The following CYP3A5 variants were observed in gnomAD, a reference collection of about 807,000 sequenced individuals.
The protein encoded by CYP3A5 is cytochrome P450 3A5.
A neutral mutation model predicts 55.9 loss-of-function variants in CYP3A5; 51 were observed. The observed-to-expected ratio is 0.91, with a 90% confidence interval of 0.73 to 1.15. CYP3A5 has a LOEUF of 1.15. CYP3A5 is among the 50% of genes most tolerant of loss of function. CYP3A5 has a pLI of 0.00. For synonymous variants in CYP3A5, 196 were observed against 213.9 expected, an observed-to-expected ratio of 0.92 and a Z score of 0.73; for missense variants, 533 against 596.6, an observed-to-expected ratio of 0.89 and a Z score of 1.11.
intron 4 of CYP3A5, chr7:99,670,960 A>G (rs1220273236): frequency 6.6e-6 from 1 of 152,210 alleles, no homozygotes; most frequent in Non-Finnish European, 1.5e-5. Flanking sequence ...TTAGCTAGAT[A>G]TGTACATTTT....
intron 11 of CYP3A5, among the ~76,000 whole-genome samples, chr7:99,651,441 A>G (rs1809179059): frequency 6.6e-6 from 1 of 152,134 alleles, no homozygotes; most frequent in Non-Finnish European, 1.5e-5. Flanking sequence ...GTGGTCTCTG[A>G]TTTCGTATTA....
rs1456072143 is a variant in CYP3A5, at chr7:99,662,534, G to T, written c.865+282C>A. Among the ~76,000 whole-genome samples the T allele has an allele frequency of 6.6e-6, 1 of 152,124 alleles. No individual in the cohort carries two copies. Among genetic ancestry groups the T allele is most frequent in the Non-Finnish European group, 1.5e-5 (1 of 68,020 alleles). ...TTCTCACTTGGTGGATCTGGAGGAG[G>T]CTGAGAACTGGCATTTGATCTCATG... On this transcript the variant is annotated intron_variant, in intron 9 of 12. Coordinates refer to ENST00000222982, the MANE Select transcript of CYP3A5 (RefSeq NM_000777.5). The surrounding 1 kb of genome is among the most constrained non-coding windows in gnomAD (Gnocchi z 4.3).
intron 10 of CYP3A5, among the ~76,000 whole-genome samples, chr7:99,655,732 G>T (rs1206429014): frequency 6.6e-6 from 1 of 152,154 alleles, no homozygotes; most frequent in Non-Finnish European, 1.5e-5. Context: ...TGTTCCATTT[G>T]TTTGTATCTT....
intron 12 of CYP3A5, 55 bp from the exon 13 acceptor site, chr7:99,648,455 A>T: frequency 1.5e-6 from 2 of 1,376,710 alleles, no homozygotes; most frequent in Non-Finnish European, 1.0e-6. Context: ...AAAGAAGAAA[A>T]GATGGAAGCA....
intron 12 of CYP3A5, 42 bp from the exon 13 acceptor site, chr7:99,648,442 G>C (rs563638723): frequency 1.4e-6 from 2 of 1,408,064 alleles, no homozygotes; most frequent in African/African-American, 1.5e-5. Flanking sequence ...AATAAATGAA[G>C]TGAAAGAAGA....
At chr7:99,660,075 C>T (rs890283455) in intron 10 of CYP3A5, 6 of 428,676 alleles carry the variant, frequency 1.4e-5, no homozygotes, top group Non-Finnish European at 1.2e-5. Context: ...CACTGTCCTG[C>T]ACCCACTCTC....
intron 12 of CYP3A5, among the ~76,000 whole-genome samples, chr7:99,649,363 T>C (rs981159356): frequency 1.3e-5 from 2 of 152,194 alleles, no homozygotes; most frequent in Non-Finnish European, 2.9e-5. Flanking sequence ...ATAAGACTTA[T>C]AGGCTATTGC....
At chr7:99,660,213 CCTT>C in intron 10 of CYP3A5, 1 of 653,722 alleles carries the variant, frequency 1.5e-6, no homozygotes, top group Non-Finnish European at 1.8e-6. Context: ...TCGCCACACT[CCTT>C]TTTTTTTTTT....
intron 10 of CYP3A5, 146 bp downstream of exon 10, chr7:99,660,353 G>A: frequency 1.5e-6 from 2 of 1,303,686 alleles, no homozygotes; most frequent in Non-Finnish European, 2.0e-6. Context: ...TTCTCCCTTT[G>A]TTTTTCTCCT....
chr7:99,657,749 T>G (rs528548263), intron 10 of CYP3A5, among the ~76,000 whole-genome samples: 2 of 152,356 alleles, frequency 1.3e-5, no homozygotes, highest in South Asian at 4.1e-4. Flanking sequence ...AAGACTTGCT[T>G]CATGAATCTG....
At chr7:99,670,546 C>G (rs1349586703) in intron 4 of CYP3A5, among the ~76,000 whole-genome samples, 1 of 152,102 alleles carries the variant, frequency 6.6e-6, no homozygotes, top group East Asian at 1.9e-4. Context: ...CATTTTCAGT[C>G]GACATATATA....
rs28365087 is a variant in CYP3A5, at chr7:99,660,737, C to T, written c.866-78G>A. On this transcript the variant is annotated intron_variant, in intron 9 of 12. Transcript: ENST00000222982. ...CAGCTTAGATGAAATCTAAGTGAAGCTCTCTAATCCCAAGAAGAAAAAATG... is the reference window on the plus strand; with the variant it reads ...CAGCTTAGATGAAATCTAAGTGAAGTTCTCTAATCCCAAGAAGAAAAAATG... 5.1e-3 allele frequency: 7,733 copies of T among 1,515,386 alleles called. 36 individuals are homozygous for T. Among genetic ancestry groups the T allele is most frequent in the Non-Finnish European group, 5.7e-3 (6,289 of 1,112,190 alleles). The allele number at this position is 1,515,386 out of a possible 1,614,324, so 93.9% of individuals were successfully genotyped here.
rs1189003423 is a variant in CYP3A5, at chr7:99,653,492, G to A, written c.1027-713C>T. 2.4e-5 allele frequency among the ~76,000 whole-genome samples: 3 copies of A among 122,632 alleles called. 1 individual carries two copies. Among genetic ancestry groups the A allele is most frequent in the Non-Finnish European group, 5.0e-5 (3 of 59,474 alleles). 80.5% of individuals were successfully genotyped at this position (122,632 alleles called of 152,430 possible). A position where few individuals can be genotyped will look rare whatever the true frequency, so the allele number is the denominator to read the frequency against. Reference sequence around the variant, plus strand: ...AAATAAATAAATAAATAAATTTGTGGATAAACTTGTTCCTTTCTATCACAA... The same window carrying A: ...AAATAAATAAATAAATAAATTTGTGAATAAACTTGTTCCTTTCTATCACAA... On this transcript the variant is annotated intron_variant, in intron 10 of 12. Coordinates refer to ENST00000222982, the MANE Select transcript of CYP3A5 (RefSeq NM_000777.5). The surrounding 1 kb of genome is among the most constrained non-coding windows in gnomAD (Gnocchi z 4.2).
In CYP3A5 at chr7:99,652,715, A is replaced by T. The variant is rs779306884; in HGVS notation, c.1091T>A (p.Leu364His). ...TCTAATAGCAACTGGGAATAATCTG[A>T]GTGTTTCATTCACCACCATGTCAAG... ...EYLDMVVNET[L>H]RLFPVAIRLE... The change falls in exon 11 of 13, where the codon CTC (leucine) becomes CAC (histidine). Residue 364 changes from leucine (L) to histidine (H), a missense_variant. Leu to His is a moderately conservative substitution (Grantham distance 99). Transcript: ENST00000222982. 2 of 1,614,092 alleles carry T rather than the reference A, an allele frequency of 1.2e-6. No individual in the cohort carries two copies. The highest frequency in any genetic ancestry group is 1.7e-6 in the Non-Finnish European group (2 of 1,180,008).
chr7:99,679,875 C>T lies in CYP3A5; in HGVS notation c.22G>A (p.Ala8Thr). The change falls in exon 1 of 13, where the codon GCG (alanine) becomes ACG (threonine). Residue 8 changes from alanine (A) to threonine (T), a missense_variant. Coordinates refer to ENST00000222982, the MANE Select transcript of CYP3A5 (RefSeq NM_000777.5). MDLIPNL[A>T]VETWLLLAVS... is the part of the protein sequence containing the mutation. ...GCCAGGAGAAGCCAGGTTTCCACCG[C>T]CAAATTTGGGATGAGGTCCATCGCC... The T allele has an allele frequency of 6.2e-7, 1 of 1,614,086 alleles. No homozygotes were observed. Among genetic ancestry groups the T allele is most frequent in the Admixed American group, 1.7e-5 (1 of 60,028 alleles).
intron 10 of CYP3A5, among the ~76,000 whole-genome samples, chr7:99,656,567 C>T (rs1394299763): frequency 2.6e-5 from 4 of 152,122 alleles, no homozygotes; most frequent in African/African-American, 9.7e-5. Context: ...CTCTGCCAGG[C>T]TTTGGTATCA....
intron 10 of CYP3A5, among the ~76,000 whole-genome samples, chr7:99,656,167 A>G (rs1427813846): frequency 6.6e-6 from 1 of 152,188 alleles, no homozygotes; most frequent in Non-Finnish European, 1.5e-5. Flanking sequence ...CAGTTTTCAA[A>G]GGGAATGATT....
chr7:99,649,755 G>T (rs1180097184), intron 12 of CYP3A5, among the ~76,000 whole-genome samples: 3 of 152,202 alleles, frequency 2.0e-5, no homozygotes, highest in African/African-American at 4.8e-5. Context: ...TTAAGTCACA[G>T]CCAGGTAATC....
Position 99,664,105 on chromosome 7 carries a change from A to G in CYP3A5, c.671-10T>C. On this transcript the variant is annotated splice_polypyrimidine_tract_variant and intron_variant, in intron 7 of 12. Transcript: ENST00000222982. ...AGGAATGGAAAGAGTACTGTGGGAA[A>G]AACAAAACAAACAAAAGGAAATCAT... The G allele has an allele frequency of 6.4e-7, 1 of 1,551,756 alleles. No homozygotes were observed. Among genetic ancestry groups the G allele is most frequent in the African/African-American group, 1.4e-5 (1 of 70,710 alleles).
Sources: allele counts gnomAD v4.1 joint callset (sites outside exome capture counted in the v4.1 genomes callset), GRCh38; gene constraint gnomAD v4.1.1; non-coding constraint Gnocchi (gnomAD v3.1); transcripts MANE v1.5; gene names NCBI Gene and HGNC (gene_info 2026-07-23, HGNC 2026-07-21).